Variants in BASP1 observed in about 807,000 individuals in gnomAD.
BASP1 encodes brain acid soluble protein 1.
Under a neutral mutation model 2.2 loss-of-function variants are expected in BASP1, and 1 was observed. That is an observed-to-expected ratio of 0.46 (90% CI 0.16 to 2.17). The LOEUF (loss-of-function observed/expected upper bound fraction) is 2.17, where lower values mean the gene tolerates loss of function less well. Among genes scored for constraint, BASP1 ranks in the 30% most tolerant of loss-of-function variants. BASP1 has a pLI of 0.27. For synonymous variants in BASP1, 187 were observed against 154.2 expected (o/e 1.21, Z -1.58); for missense variants, 352 against 327.2 (o/e 1.08, Z -0.58).
intron 1 of BASP1, among the ~76,000 whole-genome samples, chr5:17,235,956 T>C (rs914478230): frequency 1.3e-5 from 2 of 152,368 alleles, no homozygotes; most frequent in Admixed American, 6.5e-5. Context: ...AGTCCAAGCT[T>C]GTCCAGTTCT....
In BASP1 at chr5:17,220,636, C is replaced by T. The variant is rs566863509; in HGVS notation, c.-10+2826C>T. On this transcript the variant is annotated intron_variant, in intron 1 of 1. Coordinates refer to ENST00000322611, the MANE Select transcript of BASP1 (RefSeq NM_006317.5). The stretch of plus-strand genomic sequence containing the variant: ...TGTTCTTTAACTGGTACTCAGTCTG[C>T]CATTGTGACGTGTAGAAGAGAACCT... Among the ~76,000 whole-genome samples, 9 of 152,242 alleles carry T rather than the reference C, an allele frequency of 5.9e-5. No homozygotes were observed. In the South Asian group the frequency reaches 1.9e-3, roughly 32 times the overall value.
chr5:17,266,408 C>G (rs1409240753), intron 1 of BASP1, among the ~76,000 whole-genome samples: 3 of 152,194 alleles, frequency 2.0e-5, no homozygotes, highest in African/African-American at 7.2e-5. Context: ...CTCCTTATTT[C>G]ATTCTCACTC....
chr5:17,240,850 A>G (rs965513323), intron 1 of BASP1: 1 of 152,230 alleles, frequency 6.6e-6, no homozygotes, highest in African/African-American at 2.4e-5. Flanking sequence ...TTGTTAGGGT[A>G]CCTACTAAAC....
chr5:17,233,245 T>C (rs1739670611), intron 1 of BASP1, among the ~76,000 whole-genome samples: 2 of 152,204 alleles, frequency 1.3e-5, no homozygotes, highest in Non-Finnish European at 2.9e-5. Flanking sequence ...ATATAAGATA[T>C]TCTCATACCA....
chr5:17,232,639 T>A (rs1739656865), intron 1 of BASP1, among the ~76,000 whole-genome samples: 1 of 152,202 alleles, frequency 6.6e-6, no homozygotes, highest in African/African-American at 2.4e-5. Context: ...AAGGCACATT[T>A]CAGAACGCTG....
intron 1 of BASP1, among the ~76,000 whole-genome samples, chr5:17,262,527 G>T (rs1740333278): frequency 6.6e-6 from 1 of 152,186 alleles, no homozygotes; most frequent in Non-Finnish European, 1.5e-5. Flanking sequence ...TAGAACTGAT[G>T]AGATAGCTAA....
At chr5:17,220,586 G>A (rs1561162395) in intron 1 of BASP1, among the ~76,000 whole-genome samples, 1 of 152,166 alleles carries the variant, frequency 6.6e-6, no homozygotes. Context: ...TTGATAAAAA[G>A]CACCAACAAT....
At position 17,276,263 on chromosome 5, in the gene BASP1, C is replaced by G. The variant is rs1455201200; in HGVS notation, c.*363C>G. 5.3e-6 allele frequency: 1 copy of G among 188,226 alleles called. No individual in the cohort carries two copies. Among genetic ancestry groups the G allele is most frequent in the South Asian group, 2.0e-4 (1 of 5,058 alleles). 11.7% of individuals were successfully genotyped at this position (188,226 alleles called of 1,614,324 possible). The stretch of plus-strand genomic sequence containing the variant: ...ACTGCCGCCACATGCACTCCTCCAC[C>G]GCTGAGAGTTGAATAGCTTTTCTTC... On this transcript the variant is annotated 3_prime_UTR_variant, in exon 2 of 2. Coordinates refer to ENST00000322611, the MANE Select transcript of BASP1 (RefSeq NM_006317.5).
At chr5:17,250,323 A>G (rs1017479951) in intron 1 of BASP1, among the ~76,000 whole-genome samples, 6 of 152,190 alleles carry the variant, frequency 3.9e-5, no homozygotes, top group African/African-American at 7.2e-5. Context: ...CACTTCGTAA[A>G]AAGTGTGTTC....
chr5:17,249,188 A>C (rs1267704947), intron 1 of BASP1, among the ~76,000 whole-genome samples: 1 of 152,118 alleles, frequency 6.6e-6, no homozygotes, highest in Non-Finnish European at 1.5e-5. Context: ...CAACGCAGGA[A>C]CCGTCCCTGT....
intron 1 of BASP1, among the ~76,000 whole-genome samples, chr5:17,266,142 T>A (rs1740411616): frequency 6.6e-6 from 1 of 152,208 alleles, no homozygotes; most frequent in East Asian, 1.9e-4. Context: ...AGGTATGATT[T>A]AAATCCTACA....
rs111334638 is a variant in BASP1, at chr5:17,238,234, C to G, written c.-10+20424C>G. Among the ~76,000 whole-genome samples the G allele has an allele frequency of 3.8e-3, 573 of 151,978 alleles. 2 individuals are homozygous for G. Among genetic ancestry groups the G allele is most frequent in the African/African-American group, 0.013 (547 of 41,424 alleles). On this transcript the variant is annotated intron_variant, in intron 1 of 1. Transcript: ENST00000322611. Reference sequence around the variant, plus strand: ...AGATTCATTTGGTTGTCTTCCTCATCTCAGCTGTCTTATGCAGGAAAAGTG... The same window carrying G: ...AGATTCATTTGGTTGTCTTCCTCATGTCAGCTGTCTTATGCAGGAAAAGTG...
chr5:17,258,367 C>G (rs1157678926), intron 1 of BASP1, among the ~76,000 whole-genome samples: 2 of 152,188 alleles, frequency 1.3e-5, no homozygotes, highest in Non-Finnish European at 2.9e-5. Context: ...ACTGCAAATG[C>G]TATGTATATG....
chr5:17,230,042 G>A (rs569365851), intron 1 of BASP1, among the ~76,000 whole-genome samples: 59 of 152,172 alleles, frequency 3.9e-4, no homozygotes, highest in Non-Finnish European at 6.9e-4. Context: ...ATGAGCTACC[G>A]CACCTGGCCC....
At position 17,275,503 on chromosome 5, in the gene BASP1, C is replaced by T. The variant is rs1038216273; in HGVS notation, c.287C>T (p.Ala96Val). The change falls in exon 2 of 2, where the codon GCC becomes GTC. Residue 96 changes from alanine (A) to valine (V), a missense_variant. Ala to Val is a moderately conservative substitution (Grantham distance 64). Coordinates refer to ENST00000322611, the MANE Select transcript of BASP1 (RefSeq NM_006317.5). This position sits in a 1 kb window ranked among gnomAD's most constrained non-coding sequence, Gnocchi z 5.3. The part of the protein sequence containing the change: ...EPEKTEGAAE[A>V]KAEPPKAPEQ... ...GAGAAGACGGAGGGCGCGGCAGAGGCCAAGGCTGAGCCCCCGAAGGCGCCC... is the reference window on the plus strand; with the variant it reads ...GAGAAGACGGAGGGCGCGGCAGAGGTCAAGGCTGAGCCCCCGAAGGCGCCC... 1 of 1,462,088 alleles carries T rather than the reference C, an allele frequency of 6.8e-7. No homozygotes were observed. Among genetic ancestry groups the T allele is most frequent in the Non-Finnish European group, 9.0e-7 (1 of 1,111,018 alleles). 90.6% of individuals were successfully genotyped at this position (1,462,088 alleles called of 1,614,324 possible).
At chr5:17,269,590 G>A (rs772451868) in intron 1 of BASP1, among the ~76,000 whole-genome samples, 1 of 152,200 alleles carries the variant, frequency 6.6e-6, no homozygotes, top group African/African-American at 2.4e-5. Flanking sequence ...CAGAATAGCT[G>A]TTTCTAGCCA....
intron 1 of BASP1, among the ~76,000 whole-genome samples, chr5:17,219,350 A>T (rs754158155): frequency 4.6e-5 from 7 of 152,170 alleles, no homozygotes; most frequent in African/African-American, 7.2e-5. Context: ...CACCAATGAC[A>T]GTTTTTCCCG....
chr5:17,262,819 TA>T (rs1387661244), intron 1 of BASP1, among the ~76,000 whole-genome samples: 3 of 151,962 alleles, frequency 2.0e-5, no homozygotes, highest in Non-Finnish European at 2.9e-5. Flanking sequence ...GTCTTACACC[TA>T]AAGATATTTC....
At chr5:17,235,622 T>C (rs1471438742) in intron 1 of BASP1, among the ~76,000 whole-genome samples, 1 of 152,202 alleles carries the variant, frequency 6.6e-6, no homozygotes, top group South Asian at 2.1e-4. Context: ...GATGTCGACG[T>C]TACTTTTGCT....
Sources: allele counts gnomAD v4.1 joint callset (sites outside exome capture counted in the v4.1 genomes callset), GRCh38; gene constraint gnomAD v4.1.1; non-coding constraint Gnocchi (gnomAD v3.1); transcripts MANE v1.5; gene names NCBI Gene and HGNC (gene_info 2026-07-23, HGNC 2026-07-21).